The following KCNJ3 variants were observed in gnomAD, a reference collection of about 807,000 sequenced individuals.
The protein encoded by KCNJ3 is potassium inwardly rectifying channel subfamily J member 3.
KCNJ3 carries 4 observed loss-of-function variants against 39.2 expected under a neutral mutation model. That is an observed-to-expected ratio of 0.10 (90% CI 0.05 to 0.23). The LOEUF (loss-of-function observed/expected upper bound fraction) is 0.23. KCNJ3 is among the 10% of genes least tolerant of loss of function. The probability of loss-of-function intolerance (pLI) is 1.00; values close to 1 mark genes in which losing one functional copy is unlikely to be tolerated. For synonymous variants in KCNJ3, 230 were observed against 237.4 expected, an observed-to-expected ratio of 0.97 and a Z score of 0.29; for missense variants, 276 against 634.9, an observed-to-expected ratio of 0.43 and a Z score of 6.08.
intron 1 of KCNJ3, chr2:154,709,372 G>A: frequency 1.9e-6 from 1 of 539,592 alleles, no homozygotes; most frequent in Non-Finnish European, 3.3e-6. Flanking sequence ...ATGAGTTAGG[G>A]AATGGTAATT....
intron 2 of KCNJ3, among the ~76,000 whole-genome samples, chr2:154,766,066 A>C (rs1686128133): frequency 6.6e-6 from 1 of 152,234 alleles, no homozygotes; most frequent in South Asian, 2.1e-4. Context: ...CTAGTTTTTA[A>C]AATGACTATC....
intron 2 of KCNJ3, among the ~76,000 whole-genome samples, chr2:154,818,961 T>A (rs536058659): frequency 1.6e-5 from 2 of 122,642 alleles, no homozygotes; most frequent in Non-Finnish European, 3.2e-5. Context: ...AATCATCTTG[T>A]GAAATTCTAC....
chr2:154,748,682 G>A (rs1269012251), intron 2 of KCNJ3, among the ~76,000 whole-genome samples: 3 of 152,044 alleles, frequency 2.0e-5, no homozygotes, highest in Non-Finnish European at 4.4e-5. Context: ...TTTCTTCATT[G>A]AGTTGTATTA....
At chr2:154,839,363 T>C (rs1465398050) in intron 2 of KCNJ3, among the ~76,000 whole-genome samples, 3 of 152,234 alleles carry the variant, frequency 2.0e-5, no homozygotes, top group Non-Finnish European at 4.4e-5. Context: ...GTTCCAAGTC[T>C]TTGCTATTGT....
At chr2:154,756,359 C>T (rs1343838693) in intron 2 of KCNJ3, among the ~76,000 whole-genome samples, 1 of 152,044 alleles carries the variant, frequency 6.6e-6, no homozygotes, top group African/African-American at 2.4e-5. Context: ...GCTCTGATAT[C>T]CTCCAGCCTA....
chr2:154,707,997 G>C (rs1410391139), intron 1 of KCNJ3, among the ~76,000 whole-genome samples: 16 of 152,086 alleles, frequency 1.1e-4, no homozygotes, highest in Admixed American at 1.0e-3. Flanking sequence ...TTTTCATGCT[G>C]TCTTGGAAAC....
chr2:154,717,128 G>A (rs1306191105), intron 2 of KCNJ3, among the ~76,000 whole-genome samples: 2 of 152,184 alleles, frequency 1.3e-5, no homozygotes, highest in East Asian at 1.9e-4. Flanking sequence ...TGAAAGTGAA[G>A]CAGAAGCTCA....
chr2:154,775,937 T>C (rs1356499560), intron 2 of KCNJ3, among the ~76,000 whole-genome samples: 1 of 152,030 alleles, frequency 6.6e-6, no homozygotes, highest in Non-Finnish European at 1.5e-5. Flanking sequence ...TATTTTGCAG[T>C]GCATAGTAGT....
At chr2:154,845,327 C>T (rs535425316) in intron 2 of KCNJ3, among the ~76,000 whole-genome samples, 1 of 152,094 alleles carries the variant, frequency 6.6e-6, no homozygotes, top group Admixed American at 6.5e-5. Context: ...CCATGTTGTT[C>T]AGGCTGGTCT....
rs1687292145 is a variant in KCNJ3 at position 154,827,640 on chromosome 2, A to G, written c.920-27087A>G. Among the ~76,000 whole-genome samples the G allele has an allele frequency of 2.6e-5, 4 of 152,144 alleles. No individual in the cohort carries two copies. In the South Asian group the frequency reaches 8.3e-4, roughly 32 times the overall value. On this transcript the variant is annotated intron_variant, in intron 2 of 2. Transcript: ENST00000295101. The stretch of plus-strand genomic sequence containing the variant: ...TCTAGTGACATTTGGAAGACTCAGG[A>G]GGAAAGGAAGGTGTAAACAATTCAA...
intron 2 of KCNJ3, among the ~76,000 whole-genome samples, chr2:154,757,820 G>A (rs1215041256): frequency 6.6e-6 from 1 of 152,100 alleles, no homozygotes; most frequent in Non-Finnish European, 1.5e-5. Context: ...TGGTGGAAAG[G>A]AGCAAGGGAG....
intron 2 of KCNJ3, among the ~76,000 whole-genome samples, chr2:154,812,698 G>T (rs192374005): frequency 6.6e-6 from 1 of 152,096 alleles, no homozygotes; most frequent in Admixed American, 6.5e-5. Context: ...ATTCATACAG[G>T]TGCAGTATAA....
At chr2:154,719,757 G>T (rs1266168481) in intron 2 of KCNJ3, among the ~76,000 whole-genome samples, 1 of 152,064 alleles carries the variant, frequency 6.6e-6, no homozygotes, top group Non-Finnish European at 1.5e-5. Context: ...CTATTTGAGG[G>T]CTTCCTTTTC....
At chr2:154,841,755 G>C (rs557274458) in intron 2 of KCNJ3, among the ~76,000 whole-genome samples, 1 of 151,986 alleles carries the variant, frequency 6.6e-6, no homozygotes. Context: ...ATGGTAGTTT[G>C]TATTTCTGTG....
At chr2:154,793,785 T>A (rs1686676747) in intron 2 of KCNJ3, among the ~76,000 whole-genome samples, 1 of 152,006 alleles carries the variant, frequency 6.6e-6, no homozygotes, top group African/African-American at 2.4e-5. Flanking sequence ...GCTCTTCAAG[T>A]AGCACAGGGA....
At chr2:154,739,089 T>C (rs1190630775) in intron 2 of KCNJ3, among the ~76,000 whole-genome samples, 1 of 152,118 alleles carries the variant, frequency 6.6e-6, no homozygotes, top group African/African-American at 2.4e-5. Context: ...CGTAATCTTC[T>C]AAAGTTACTT....
At chr2:154,728,890 C>T (rs900178693) in intron 2 of KCNJ3, among the ~76,000 whole-genome samples, 2 of 151,864 alleles carry the variant, frequency 1.3e-5, no homozygotes, top group African/African-American at 2.4e-5. Context: ...ATTAAATTAA[C>T]AATATTAAGA....
intron 2 of KCNJ3, among the ~76,000 whole-genome samples, chr2:154,794,435 C>T (rs112790388): frequency 6.6e-6 from 1 of 152,028 alleles, no homozygotes; most frequent in African/African-American, 2.4e-5. Flanking sequence ...TTTGATTTGT[C>T]ATGATATGTT....
chr2:154,716,653 A>C (rs1685186971), intron 2 of KCNJ3, among the ~76,000 whole-genome samples: 1 of 152,192 alleles, frequency 6.6e-6, no homozygotes, highest in Non-Finnish European at 1.5e-5. Flanking sequence ...TAATTGTATT[A>C]TATTTAACTC....
Sources: gnomAD v4.1 joint callset for allele counts (sites outside exome capture counted in the v4.1 genomes callset) on GRCh38, gnomAD v4.1.1 for gene constraint, MANE v1.5 for transcripts, NCBI Gene and HGNC (gene_info 2026-07-23, HGNC 2026-07-21) for gene names.